Variants in TNNI3K observed in about 807,000 individuals in gnomAD.
The protein encoded by TNNI3K is TNNI3 interacting kinase, also known as serine/threonine-protein kinase TNNI3K.
A neutral mutation model predicts 114.5 loss-of-function variants in TNNI3K; 140 were observed. The ratio of observed to expected loss-of-function variants is 1.22; its 90% CI spans 1.07 to 1.41. TNNI3K has a LOEUF of 1.41. Among genes scored for constraint, TNNI3K ranks in the 40% most tolerant of loss-of-function variants. The probability of loss-of-function intolerance (pLI) is 0.00; values close to 1 mark genes in which losing one functional copy is unlikely to be tolerated. For missense variants in TNNI3K, 1,125 were observed against 1,007.6 expected (o/e 1.12, Z -1.58); for synonymous variants, 347 against 347.5 (o/e 1.00, Z 0.02).
intron 5 of TNNI3K, among the ~76,000 whole-genome samples, chr1:74,308,448 A>T (rs1232739997): frequency 6.6e-6 from 1 of 152,122 alleles, no homozygotes; most frequent in Non-Finnish European, 1.5e-5. Flanking sequence ...GAAATCAAAA[A>T]ATTATTTGAA....
At chr1:74,411,682 A>C (rs1664887303) in intron 17 of TNNI3K, among the ~76,000 whole-genome samples, 1 of 152,232 alleles carries the variant, frequency 6.6e-6, no homozygotes, top group African/African-American at 2.4e-5. Flanking sequence ...GCTTTCTAAA[A>C]GATAGTAAGA....
In TNNI3K at chr1:74,521,250, C is replaced by T. The variant is rs148710950; in HGVS notation, c.2352-18984C>T. ...TTGTGGCACTGCCATTTTCTCTGTG[C>T]GATCTTGCCCAAGCTCATTAACTTC... On this transcript the variant is annotated intron_variant, in intron 23 of 24. Coordinates refer to ENST00000326637, the MANE Select transcript of TNNI3K (RefSeq NM_015978.3). Among the ~76,000 whole-genome samples, 620 of 152,176 alleles carry T rather than the reference C, an allele frequency of 4.1e-3. 6 individuals are homozygous for T. Among genetic ancestry groups the T allele is most frequent in the African/African-American group, 0.014 (573 of 41,512 alleles).
chr1:74,316,910 G>A (rs955056156), intron 5 of TNNI3K, among the ~76,000 whole-genome samples: 4 of 150,566 alleles, frequency 2.7e-5, no homozygotes, highest in East Asian at 3.9e-4. Flanking sequence ...CATGATAGCC[G>A]GAATTGTCTC....
At chr1:74,362,526 C>G (rs1662022989) in intron 11 of TNNI3K, among the ~76,000 whole-genome samples, 1 of 152,104 alleles carries the variant, frequency 6.6e-6, no homozygotes, top group Non-Finnish European at 1.5e-5. Context: ...AGATTAGAAT[C>G]AGCTTTCATT....
At position 74,367,921 on chromosome 1, in the gene TNNI3K, G is replaced by A. The variant is rs2100516510; in HGVS notation, c.1278G>A (p.Val426=). ...TTTAATTTCTAGATGGCTCCTATGT[G>A]TCTGTTCCATCACCCTTGGGGAAGA... ...YSQPGGDGSY[V]SVPSPLGKIK... The change falls in exon 13 of 25, where the codon GTG becomes GTA. Residue 426 remains valine, a synonymous_variant. Transcript: ENST00000326637. 1.3e-6 allele frequency: 2 copies of A among 1,576,642 alleles called. No individual in the cohort carries two copies.
intron 21 of TNNI3K, among the ~76,000 whole-genome samples, chr1:74,465,606 C>T (rs1004690624): frequency 2.0e-4 from 31 of 152,216 alleles, no homozygotes; most frequent in East Asian, 1.4e-3. Flanking sequence ...TTCACGGCAC[C>T]GGGTCCCACC....
rs757663763 is a variant in TNNI3K at position 74,369,122 on chromosome 1, A to AAAAT, written c.1414+24_1414+27dup. ...ATGAGATTATTGGCTCAGGTAACCTAAAATAAATAAATAAATAAAGGTCCG... is the reference window on the plus strand; with the variant it reads ...ATGAGATTATTGGCTCAGGTAACCTAAAATAAATAAATAAATAAATAAAGGTCCG... On this transcript the variant is annotated intron_variant, in intron 14 of 24. Coordinates refer to ENST00000326637, the MANE Select transcript of TNNI3K (RefSeq NM_015978.3). 4.7e-5 allele frequency: 76 copies of AAAAT among 1,600,910 alleles called. No homozygotes were observed. The highest frequency in any genetic ancestry group is 2.4e-4 in the Admixed American group (14 of 57,774).
intron 17 of TNNI3K, among the ~76,000 whole-genome samples, chr1:74,388,201 C>G (rs1037785679): frequency 6.6e-6 from 1 of 152,044 alleles, no homozygotes; most frequent in Non-Finnish European, 1.5e-5. Context: ...TGGCTTGAAC[C>G]TGGGTGGCAG....
chr1:74,531,160 G>T (rs1210872953), intron 23 of TNNI3K, among the ~76,000 whole-genome samples: 2 of 152,140 alleles, frequency 1.3e-5, no homozygotes, highest in South Asian at 4.1e-4. Flanking sequence ...TGATATTCCT[G>T]AAAGAGATAT....
chr1:74,298,217 A>G (rs1049795377), intron 5 of TNNI3K, among the ~76,000 whole-genome samples: 5 of 152,202 alleles, frequency 3.3e-5, no homozygotes, highest in Non-Finnish European at 5.9e-5. Context: ...AGGCATAGAT[A>G]TACTTATTCA....
chr1:74,477,360 C>A (rs1415765571), intron 21 of TNNI3K, among the ~76,000 whole-genome samples: 2 of 152,016 alleles, frequency 1.3e-5, no homozygotes, highest in Non-Finnish European at 2.9e-5. Context: ...ATGTTTAATA[C>A]AGTGCTTTGA....
intron 4 of TNNI3K, among the ~76,000 whole-genome samples, chr1:74,252,851 A>G (rs1655022547): frequency 6.6e-6 from 1 of 152,212 alleles, no homozygotes; most frequent in African/African-American, 2.4e-5. Context: ...TTTATTGCAA[A>G]GAGCTGAACA....
At chr1:74,413,849 C>G (rs1345688669) in intron 17 of TNNI3K, among the ~76,000 whole-genome samples, 2 of 152,128 alleles carry the variant, frequency 1.3e-5, no homozygotes, top group Non-Finnish European at 2.9e-5. Context: ...TCAGTAAAAT[C>G]AGTTGCAATC....
Position 74,271,621 on chromosome 1 carries a change from TCTGCTTCACAGTGGAGCTGATA to T in TNNI3K, c.358_379del (p.Leu120TyrfsTer17). The T allele has an allele frequency of 6.2e-7, 1 of 1,607,418 alleles. No individual in the cohort carries two copies. The highest frequency in any genetic ancestry group is 8.5e-7 in the Non-Finnish European group (1 of 1,176,280). On this transcript the variant is annotated frameshift_variant, in exon 5 of 25. Transcript: ENST00000326637. LOFTEE classifies it high-confidence loss of function. ...AGGATAATGCAGAATTGATCACTTC[TCTGCTTCACAGTGGAGCTGATA>T]TACAGCAGGTTGGATACGGTGGCCT...
intron 17 of TNNI3K, chr1:74,371,837 A>G (rs775985807): frequency 6.6e-6 from 1 of 151,820 alleles, no homozygotes; most frequent in South Asian, 2.1e-4. Flanking sequence ...TGAATCCAGC[A>G]TCTGGTAAAA....
At chr1:74,464,984 T>C (rs1331587128) in intron 21 of TNNI3K, 2 of 1,207,160 alleles carry the variant, frequency 1.7e-6, no homozygotes, top group Non-Finnish European at 1.0e-6. Context: ...AAATTTCATC[T>C]TGAAAATTAC....
chr1:74,509,054 C>T (rs373943015), intron 23 of TNNI3K, among the ~76,000 whole-genome samples: 9 of 152,200 alleles, frequency 5.9e-5, no homozygotes, highest in African/African-American at 2.2e-4. Context: ...CTGTGTCTAT[C>T]TGAAATTCGG....
chr1:74,498,866 A>C (rs2100332274), intron 23 of TNNI3K, among the ~76,000 whole-genome samples: 1 of 152,332 alleles, frequency 6.6e-6, no homozygotes, highest in African/African-American at 2.4e-5. Context: ...AAAAAATTTT[A>C]ATATTTAAAA....
chr1:74,315,003 T>C (rs1427093939), intron 5 of TNNI3K, among the ~76,000 whole-genome samples: 1 of 151,794 alleles, frequency 6.6e-6, no homozygotes, highest in Non-Finnish European at 1.5e-5. Context: ...CTACGAAGCC[T>C]CTGTTAATTG....
Sources: allele counts gnomAD v4.1 joint callset (sites outside exome capture counted in the v4.1 genomes callset), GRCh38; gene constraint gnomAD v4.1.1; transcripts MANE v1.5; gene names NCBI Gene and HGNC (gene_info 2026-07-23, HGNC 2026-07-21).